ANKRD45: variants seen among roughly 807,000 people sequenced by gnomAD.
ANKRD45 encodes ankyrin repeat domain-containing protein 45.
ANKRD45 carries 21 observed loss-of-function variants against 28.1 expected under a neutral mutation model. The observed-to-expected ratio is 0.75, with a 90% CI of 0.53 to 1.08. The LOEUF is 1.08. ANKRD45 is among the 50% of genes least tolerant of loss of function. ANKRD45 has a pLI of 0.00. For synonymous variants in ANKRD45, 86 were observed against 103.9 expected, an observed-to-expected ratio of 0.83 and a Z score of 1.05; for missense variants, 261 against 308.7, an observed-to-expected ratio of 0.85 and a Z score of 1.16.
the ANKRD45 span, among the ~76,000 whole-genome samples, chr1:173,681,227 AT>A: frequency 6.6e-6 from 1 of 152,136 alleles, no homozygotes; most frequent in South Asian, 2.1e-4. Flanking sequence ...CCTTAAGAAA[AT>A]TTTACTGTTC....
chr1:173,688,080 C>T, the ANKRD45 span, among the ~76,000 whole-genome samples: 2 of 150,490 alleles, frequency 1.3e-5, no homozygotes, highest in Admixed American at 6.6e-5. Context: ...GGGCCATCTA[C>T]GGGTTATTGG....
At chr1:173,625,642 T>C (rs1220516550) in intron 4 of ANKRD45, among the ~76,000 whole-genome samples, 1 of 152,066 alleles carries the variant, frequency 6.6e-6, no homozygotes, top group African/African-American at 2.4e-5. Context: ...CAGAAGTATG[T>C]AGAAGCAGGT....
chr1:173,622,830 T>C (rs972501435), intron 5 of ANKRD45, among the ~76,000 whole-genome samples: 10 of 152,106 alleles, frequency 6.6e-5, no homozygotes, highest in African/African-American at 2.2e-4. Flanking sequence ...ACTAAAGAGC[T>C]TCTGCACAGC....
At chr1:173,675,259 T>A in the ANKRD45 span, 1 of 250,834 alleles carries the variant, frequency 4.0e-6, no homozygotes. Context: ...TTAGGAAAAA[T>A]GGAGAAAAAA....
At chr1:173,662,590 C>T (rs1669824473) in intron 1 of ANKRD45, among the ~76,000 whole-genome samples, 1 of 152,178 alleles carries the variant, frequency 6.6e-6, no homozygotes, top group South Asian at 2.1e-4. Context: ...GTGTGTAAGA[C>T]TTTCATCTTC....
chr1:173,658,733 C>T (rs746228616), intron 2 of ANKRD45: 15 of 161,022 alleles, frequency 9.3e-5, no homozygotes, highest in East Asian at 5.3e-4. Flanking sequence ...TATCAATTTA[C>T]GATATGCCAA....
the ANKRD45 span, among the ~76,000 whole-genome samples, chr1:173,683,091 G>A: frequency 6.6e-6 from 1 of 151,812 alleles, no homozygotes; most frequent in African/African-American, 2.4e-5. Context: ...CAAACCCAAT[G>A]AGAAAAAGAC....
At chr1:173,652,134 G>T (rs7515352) in intron 2 of ANKRD45, among the ~76,000 whole-genome samples, 52,021 of 151,428 alleles carry the variant, frequency 0.34, 12,899 homozygotes, top group African/African-American at 0.71. Flanking sequence ...AACACTATGT[G>T]GAATAGGAGT....
At chr1:173,671,099 C>T (rs550441644), upstream of ANKRD45, among the ~76,000 whole-genome samples, 3 of 152,308 alleles carry the variant, frequency 2.0e-5, no homozygotes, top group South Asian at 2.1e-4. Context: ...AAGGTTACAT[C>T]TTGTCTCCTT....
At chr1:173,624,657 A>C in intron 5 of ANKRD45, 130 bp downstream of exon 5, 1 of 910,904 alleles carries the variant, frequency 1.1e-6, no homozygotes, top group Non-Finnish European at 1.6e-6. Context: ...TATATCATAG[A>C]TTAGTGCTTG....
At chr1:173,691,154 G>A in the ANKRD45 span, among the ~76,000 whole-genome samples, 12,441 of 152,132 alleles carry the variant, frequency 0.082, 716 homozygotes, top group East Asian at 0.32. Context: ...TGGCTCCCAC[G>A]GCTTCTCCTT....
chr1:173,690,066 C>G, the ANKRD45 span, among the ~76,000 whole-genome samples: 204 of 99,490 alleles, frequency 2.1e-3, 10 homozygotes, highest in African/African-American at 6.8e-3. Context: ...CCCCCCGCCC[C>G]CCCCCCCCCC....
chr1:173,656,069 C>T (rs114290841), intron 2 of ANKRD45, among the ~76,000 whole-genome samples: 12,242 of 152,256 alleles, frequency 0.08, 730 homozygotes, highest in East Asian at 0.32. Context: ...CCATGTGAGG[C>T]GATGCCCTGC....
chr1:173,615,383 C>CAA (rs60479508), intron 5 of ANKRD45, among the ~76,000 whole-genome samples: 61 of 87,610 alleles, frequency 7.0e-4, no homozygotes, highest in African/African-American at 1.9e-3. Context: ...GACTCCGTCT[C>CAA]AAAAAAAAAA....
At chr1:173,672,805 C>G (rs930376745), upstream of ANKRD45, among the ~76,000 whole-genome samples, 89 of 152,268 alleles carry the variant, frequency 5.8e-4, 2 homozygotes, top group Non-Finnish European at 1.2e-4. Context: ...CCCCTGCAAG[C>G]TTGACCTGAG....
At chr1:173,621,796 A>G (rs1157524773) in intron 5 of ANKRD45, among the ~76,000 whole-genome samples, 1 of 152,154 alleles carries the variant, frequency 6.6e-6, no homozygotes, top group African/African-American at 2.4e-5. Context: ...AGTATTGGAA[A>G]TTCTGGCTAG....
chr1:173,633,125 C>G (rs1288999811), intron 3 of ANKRD45, among the ~76,000 whole-genome samples: 1 of 151,738 alleles, frequency 6.6e-6, no homozygotes, highest in African/African-American at 2.4e-5. Context: ...ATTATTAGAA[C>G]TGATAAACAA....
chr1:173,696,995 A>G, the ANKRD45 span, among the ~76,000 whole-genome samples: 1 of 152,236 alleles, frequency 6.6e-6, no homozygotes, highest in African/African-American at 2.4e-5. Flanking sequence ...GCTGAAAACC[A>G]TGGCAGGAGA....
At chr1:173,714,816 T>C in the ANKRD45 span, 1 of 152,192 alleles carries the variant, frequency 6.6e-6, no homozygotes, top group Non-Finnish European at 1.5e-5. Context: ...AAACAACCTC[T>C]GAGGTTACCT....
Sources: gnomAD v4.1 joint callset for allele counts (sites outside exome capture counted in the v4.1 genomes callset) on GRCh38, gnomAD v4.1.1 for gene constraint, MANE v1.5 for transcripts, NCBI Gene and HGNC (gene_info 2026-07-23, HGNC 2026-07-21) for gene names.